HEATR5A: variants seen among roughly 807,000 people sequenced by gnomAD.
The protein encoded by HEATR5A is HEAT repeat containing 5A.
A neutral mutation model predicts 218.8 loss-of-function variants in HEATR5A; 178 were observed. The ratio of observed to expected loss-of-function variants is 0.81; its 90% confidence interval spans 0.72 to 0.92. HEATR5A has a LOEUF of 0.92. Among genes scored for constraint, HEATR5A ranks in the 40% least tolerant of loss-of-function variants. HEATR5A has a pLI of 0.00. For synonymous variants in HEATR5A, 864 were observed against 871.6 expected, an observed-to-expected ratio of 0.99 and a Z score of 0.15; for missense variants, 2,420 against 2,418.9, an observed-to-expected ratio of 1.00 and a Z score of -0.01.
intron 11 of HEATR5A, among the ~76,000 whole-genome samples, chr14:31,378,515 C>T (rs143281071): frequency 1.3e-5 from 2 of 152,204 alleles, no homozygotes; most frequent in East Asian, 1.9e-4. Context: ...TGGCCAGGTG[C>T]GGTGGCTCAC....
chr14:31,394,098 T>C lies in HEATR5A; in HGVS notation c.726A>G (p.Leu242=), dbSNP rs1456856763. 6.5e-7 allele frequency: 1 copy of C among 1,534,710 alleles called. No individual in the cohort carries two copies. Among genetic ancestry groups the C allele is most frequent in the Admixed American group, 2.0e-5 (1 of 50,784 alleles). Reference sequence around the variant, plus strand: ...TTACAGCTTTAGCTAATATTATGCCTAGTAACTTTGAAACAGAAATCCGCA... The same window carrying C: ...TTACAGCTTTAGCTAATATTATGCCCAGTAACTTTGAAACAGAAATCCGCA... The part of the protein sequence containing the change: ...YDVRISVSKL[L]GIILAKAVIS... Residue 242 remains leucine (L), a synonymous_variant, in exon 6 of 36, where the codon CTA becomes CTG. Coordinates refer to ENST00000543095, the MANE Select transcript of HEATR5A (RefSeq NM_015473.4).
chr14:31,320,556 C>T (rs1454563553), intron 25 of HEATR5A: 15 of 918,950 alleles, frequency 1.6e-5, no homozygotes, highest in Non-Finnish European at 2.6e-5. Context: ...AAGGAGAAGG[C>T]AGACACAGGC....
intron 22 of HEATR5A, among the ~76,000 whole-genome samples, chr14:31,336,936 T>C (rs1304783834): frequency 6.6e-6 from 1 of 152,244 alleles, no homozygotes; most frequent in Non-Finnish European, 1.5e-5. Flanking sequence ...ACAGGCTATA[T>C]GGCATAGCCT....
At chr14:31,296,603 A>T (rs1203403564) in intron 33 of HEATR5A, 1 of 152,292 alleles carries the variant, frequency 6.6e-6, no homozygotes, top group Non-Finnish European at 1.5e-5. Flanking sequence ...TTAGCACTTT[A>T]CAAATATGAT....
intron 22 of HEATR5A, among the ~76,000 whole-genome samples, chr14:31,334,961 A>AG (rs1346720940): frequency 5.3e-5 from 8 of 150,884 alleles, no homozygotes; most frequent in African/African-American, 9.7e-5. Context: ...AAAAAAAAAA[A>AG]AAAAGAAAAA....
chr14:31,309,037 G>A lies in HEATR5A; in HGVS notation c.4587C>T (p.Leu1529=), dbSNP rs1899649812. 3.7e-6 allele frequency: 6 copies of A among 1,613,848 alleles called. No individual in the cohort carries two copies. The highest frequency in any genetic ancestry group is 4.2e-6 in the Non-Finnish European group (5 of 1,179,878). Residue 1529 remains leucine, a synonymous_variant, in exon 29 of 36, where the codon CTC becomes CTT. Transcript: ENST00000543095. ...VADPDEGASN[L]SRPVTPTSMC... is the part of the protein sequence containing the mutation. ...TGGAAGTTGGTGTTACAGGCCTGGA[G>A]AGATTAGATGCTCCTTCATCTGGGT... is the stretch of plus-strand genomic sequence containing the variant.
At chr14:31,340,819 C>T (rs975482953) in intron 21 of HEATR5A, among the ~76,000 whole-genome samples, 12 of 152,194 alleles carry the variant, frequency 7.9e-5, no homozygotes, top group African/African-American at 2.9e-4. Context: ...ATCTGGATTG[C>T]ATTCACATGA....
chr14:31,327,639 A>ATTCTG lies in HEATR5A; in HGVS notation c.3368-1302_3368-1298dup, dbSNP rs1175139839. On this transcript the variant is annotated intron_variant, in intron 22 of 35. Transcript: ENST00000543095. ...AAAAAAACATAATTAAGTTTTCCTT[A>ATTCTG]TTCTGGTATAAAGCTTTAAAATATA... is the stretch of plus-strand genomic sequence containing the variant. 2.0e-5 allele frequency among the ~76,000 whole-genome samples: 3 copies of ATTCTG among 152,266 alleles called. No individual in the cohort carries two copies. The East Asian group carries it at 5.8e-4, about 29-fold the overall frequency.
In HEATR5A at chr14:31,383,531, C is replaced by T; in HGVS notation, c.1586G>A (p.Gly529Glu). The change falls in exon 10 of 36, where the codon GGA (glycine) becomes GAA (glutamate). Residue 529 changes from glycine (G) to glutamate (E), a missense_variant. Physicochemically the swap from Gly to Glu is moderately conservative, Grantham distance 98. Transcript: ENST00000543095. ...VKHCPLGIPHGKGKIIMTLAE... is the reference protein window; with the variant it reads ...VKHCPLGIPHEKGKIIMTLAE... ...GAATGAAATCATTACCTTGCCTTTT[C>T]CATGAGGAATTCCTAAAGGACAATG... 6.2e-7 allele frequency: 1 copy of T among 1,611,430 alleles called. No individual in the cohort carries two copies. Among genetic ancestry groups the T allele is most frequent in the Non-Finnish European group, 8.5e-7 (1 of 1,177,888 alleles).
rs1185362163 is a variant in HEATR5A, at chr14:31,313,141, T to C, written c.4268A>G (p.Lys1423Arg). 2.5e-6 allele frequency: 4 copies of C among 1,613,960 alleles called. No homozygotes were observed. Among genetic ancestry groups the C allele is most frequent in the Non-Finnish European group, 3.4e-6 (4 of 1,179,818 alleles). The change falls in exon 28 of 36, where the codon AAG becomes AGG. Residue 1423 changes from lysine to arginine, a missense_variant. Lys to Arg is a conservative substitution (Grantham distance 26). Coordinates refer to ENST00000543095, the MANE Select transcript of HEATR5A (RefSeq NM_015473.4). Reference sequence around the variant, plus strand: ...ACCGTCTTCTAAACAGGTGGTAGTCTTCAAAGGTTGTCTGTGGTTTTTATG... The same window carrying C: ...ACCGTCTTCTAAACAGGTGGTAGTCCTCAAAGGTTGTCTGTGGTTTTTATG... ...QRHKNHRQPL[K>R]TTTCLEDGIR...
chr14:31,332,645 G>T (rs117627303), intron 22 of HEATR5A, among the ~76,000 whole-genome samples: 249 of 152,266 alleles, frequency 1.6e-3, no homozygotes, highest in South Asian at 9.3e-3. Context: ...ACACACAAAT[G>T]ATAAGGAAGA....
At position 31,292,795 on chromosome 14, in the gene HEATR5A, C is replaced by A. The variant is rs147727655; in HGVS notation, c.*510G>T. 6.5e-3 allele frequency: 986 copies of A among 152,608 alleles called. 7 individuals are homozygous for A. Among genetic ancestry groups the A allele is most frequent in the Admixed American group, 8.7e-3 (133 of 15,322 alleles). The allele number at this position is 152,608 out of a possible 1,614,324, so 9.5% of individuals were successfully genotyped here. On this transcript the variant is annotated 3_prime_UTR_variant, in exon 36 of 36. Transcript: ENST00000543095. The stretch of plus-strand genomic sequence containing the variant: ...ACGGGGTTTCACCATGTTGGTCAGG[C>A]TGGTCTCAAACTCCCGACTTCGTGA...
chr14:31,388,434 C>A (rs938598411), intron 7 of HEATR5A, among the ~76,000 whole-genome samples: 1 of 152,182 alleles, frequency 6.6e-6, no homozygotes, highest in Non-Finnish European at 1.5e-5. Flanking sequence ...AAACTACATG[C>A]TGTACTCCTT....
At chr14:31,340,382 A>G (rs1900802040) in intron 21 of HEATR5A, 2 of 1,042,520 alleles carry the variant, frequency 1.9e-6, no homozygotes, top group African/African-American at 3.3e-5. Flanking sequence ...TCTACAACCA[A>G]AAAATGACAC....
chr14:31,344,574 C>T (rs187137248), intron 20 of HEATR5A, among the ~76,000 whole-genome samples: 10 of 152,084 alleles, frequency 6.6e-5, no homozygotes, highest in Admixed American at 3.9e-4. Flanking sequence ...AAAGCCACTG[C>T]GCCTGACCTA....
chr14:31,362,606 C>CAAAAATAA (rs1901657464), intron 14 of HEATR5A, among the ~76,000 whole-genome samples: 2 of 44,748 alleles, frequency 4.5e-5, no homozygotes, highest in Non-Finnish European at 3.6e-5. Context: ...CTACAAATGA[C>CAAAAATAA]AAAAAAAAAA....
intron 14 of HEATR5A, among the ~76,000 whole-genome samples, chr14:31,362,620 A>AC (rs1022886425): frequency 6.7e-5 from 10 of 148,810 alleles, no homozygotes; most frequent in Non-Finnish European, 1.2e-4. Context: ...AAAAAAAAAA[A>AC]AAAAAAAAAA....
At chr14:31,308,506 T>TAA (rs34745602) in intron 29 of HEATR5A, among the ~76,000 whole-genome samples, 5,242 of 125,826 alleles carry the variant, frequency 0.042, 126 homozygotes, top group African/African-American at 0.062. Flanking sequence ...AAACTCTGTC[T>TAA]AAAAAAAAAA....
intron 33 of HEATR5A, among the ~76,000 whole-genome samples, chr14:31,301,333 G>A (rs908832592): frequency 2.0e-5 from 3 of 152,106 alleles, no homozygotes; most frequent in African/African-American, 4.8e-5. Flanking sequence ...TTGGCTCACT[G>A]CAACCTCTGC....
Sources: gnomAD v4.1 joint callset for allele counts (sites outside exome capture counted in the v4.1 genomes callset) on GRCh38, gnomAD v4.1.1 for gene constraint, MANE v1.5 for transcripts, NCBI Gene and HGNC (gene_info 2026-07-23, HGNC 2026-07-21) for gene names.